The following ULK4 variants were observed in gnomAD, a reference collection of about 807,000 sequenced individuals.
ULK4 encodes the protein inactive serine/threonine-protein kinase ULK4.
ULK4 carries 133 observed loss-of-function variants against 160.6 expected under a neutral mutation model. The observed-to-expected ratio is 0.83, with a 90% CI of 0.72 to 0.96. The LOEUF (loss-of-function observed/expected upper bound fraction) is 0.96. Ranked by LOEUF, ULK4 falls within the 40% of genes least tolerant of loss-of-function variation. The probability of loss-of-function intolerance (pLI) is 0.00; values close to 1 mark genes in which losing one functional copy is unlikely to be tolerated. For synonymous variants in ULK4, 534 were observed against 539.8 expected, an observed-to-expected ratio of 0.99 and a Z score of 0.15; for missense variants, 1,580 against 1,499.5, an observed-to-expected ratio of 1.05 and a Z score of -0.89.
At chr3:41,589,330 T>C (rs2031097461) in intron 31 of ULK4, among the ~76,000 whole-genome samples, 1 of 142,066 alleles carries the variant, frequency 7.0e-6, no homozygotes, top group African/African-American at 2.7e-5. Flanking sequence ...AGAAGAGAGT[T>C]ACACAGAGAA....
chr3:41,357,925 C>T (rs1243445141), intron 35 of ULK4, among the ~76,000 whole-genome samples: 2 of 152,188 alleles, frequency 1.3e-5, no homozygotes, highest in African/African-American at 4.8e-5. Flanking sequence ...TCATCTGGTC[C>T]TCACAATAGC....
At chr3:41,572,429 C>G (rs936299984) in intron 31 of ULK4, among the ~76,000 whole-genome samples, 21 of 152,102 alleles carry the variant, frequency 1.4e-4, no homozygotes, top group Admixed American at 6.5e-5. Context: ...CTCCCCCCAC[C>G]ACTGGGATCT....
intron 17 of ULK4, among the ~76,000 whole-genome samples, chr3:41,869,254 C>T (rs898212456): frequency 6.6e-6 from 1 of 151,822 alleles, no homozygotes; most frequent in Non-Finnish European, 1.5e-5. Flanking sequence ...TGTGTAAGAA[C>T]ATATACAATA....
intron 23 of ULK4, 128 bp from the exon 24 acceptor site, chr3:41,715,696 CT>C: frequency 8.1e-7 from 1 of 1,229,414 alleles, no homozygotes; most frequent in Non-Finnish European, 1.1e-6. Context: ...AGCAGATATA[CT>C]TATTCACAAG....
At chr3:41,562,405 C>T (rs1366068191) in intron 32 of ULK4, among the ~76,000 whole-genome samples, 2 of 152,156 alleles carry the variant, frequency 1.3e-5, no homozygotes, top group Non-Finnish European at 2.9e-5. Context: ...AGTTCAAGTC[C>T]TGGATATCCT....
chr3:41,921,437 C>A (rs1699177062), intron 5 of ULK4, among the ~76,000 whole-genome samples: 1 of 151,862 alleles, frequency 6.6e-6, no homozygotes, highest in Admixed American at 6.6e-5. Flanking sequence ...TGGTAAAACC[C>A]CGTCTCTCAT....
rs1226481226 is a variant in ULK4 at position 41,862,389 on chromosome 3, G to T, written c.1656+21485C>A. Among the ~76,000 whole-genome samples, 6 of 152,062 alleles carry T rather than the reference G, an allele frequency of 3.9e-5. No individual in the cohort carries two copies. The South Asian group carries it at 1.2e-3, about 32-fold the overall frequency. On this transcript the variant is annotated intron_variant, in intron 17 of 36. Transcript: ENST00000301831. ...CACCTATCTCTGTTTCTCCAGGATT[G>T]GTCCCTCGTGCCTTATTTATAAAGT...
At chr3:41,266,629 G>C (rs1174690618) in intron 35 of ULK4, among the ~76,000 whole-genome samples, 7 of 152,156 alleles carry the variant, frequency 4.6e-5, no homozygotes, top group Non-Finnish European at 1.0e-4. Context: ...GGAAGCCTAA[G>C]AAGATTATCC....
intron 23 of ULK4, 81 bp downstream of exon 23, chr3:41,717,647 T>G: frequency 1.3e-6 from 2 of 1,526,030 alleles, no homozygotes; most frequent in East Asian, 2.3e-5. Context: ...CAAGTAAGAA[T>G]AAAAAAGAAC....
intron 35 of ULK4, among the ~76,000 whole-genome samples, chr3:41,342,250 C>T (rs558241194): frequency 6.6e-6 from 1 of 152,234 alleles, no homozygotes; most frequent in East Asian, 1.9e-4. Context: ...CAGCCATGAG[C>T]CACTTCACAG....
chr3:41,526,385 AAC>A (rs1361049544), intron 32 of ULK4, among the ~76,000 whole-genome samples: 1 of 152,170 alleles, frequency 6.6e-6, no homozygotes, highest in East Asian at 1.9e-4. Context: ...CTGTTACTTA[AAC>A]ACTCAAGAGA....
chr3:41,653,466 T>G (rs991395682), intron 30 of ULK4, among the ~76,000 whole-genome samples: 3 of 152,170 alleles, frequency 2.0e-5, no homozygotes, highest in Non-Finnish European at 4.4e-5. Context: ...ATTTTTTCAA[T>G]GGCAATTGTC....
At chr3:41,574,183 AAAACAAACAAAC>A (rs923442212) in intron 31 of ULK4, among the ~76,000 whole-genome samples, 2 of 152,160 alleles carry the variant, frequency 1.3e-5, no homozygotes, top group African/African-American at 4.8e-5. Flanking sequence ...CCGTCTCAAA[AAAACAAACAAAC>A]AAACAAACAA....
At chr3:41,788,746 A>G (rs2040067862) in intron 21 of ULK4, among the ~76,000 whole-genome samples, 1 of 152,116 alleles carries the variant, frequency 6.6e-6, no homozygotes, top group Non-Finnish European at 1.5e-5. Flanking sequence ...GCTGCATACT[A>G]CTTTCCCCTC....
chr3:41,959,383 C>T (rs1220299742), intron 1 of ULK4, among the ~76,000 whole-genome samples: 1 of 150,122 alleles, frequency 6.7e-6, no homozygotes, highest in African/African-American at 2.4e-5. Context: ...AAAAATTAGC[C>T]AGGCATGGTG....
intron 21 of ULK4, among the ~76,000 whole-genome samples, chr3:41,765,523 T>C (rs948133208): frequency 1.3e-5 from 2 of 151,912 alleles, no homozygotes; most frequent in Non-Finnish European, 1.5e-5. Flanking sequence ...AACCTGCAGG[T>C]TGTGCACATG....
intron 22 of ULK4, among the ~76,000 whole-genome samples, chr3:41,723,513 G>C (rs1212048854): frequency 6.6e-6 from 1 of 152,108 alleles, no homozygotes; most frequent in Admixed American, 6.5e-5. Flanking sequence ...AAGTGGACGA[G>C]CACTTGTCTG....
At chr3:41,485,505 T>TA (rs1458556648) in intron 32 of ULK4, among the ~76,000 whole-genome samples, 1 of 152,228 alleles carries the variant, frequency 6.6e-6, no homozygotes, top group Non-Finnish European at 1.5e-5. Context: ...TCTGCTTTGC[T>TA]AAAATCTTAT....
At chr3:41,711,214 C>A (rs1407610532) in intron 25 of ULK4, among the ~76,000 whole-genome samples, 1 of 152,152 alleles carries the variant, frequency 6.6e-6, no homozygotes, top group Non-Finnish European at 1.5e-5. Flanking sequence ...GGAACAAAGG[C>A]CAATGACCCA....
Sources: allele counts gnomAD v4.1 joint callset (sites outside exome capture counted in the v4.1 genomes callset), GRCh38; gene constraint gnomAD v4.1.1; transcripts MANE v1.5; gene names NCBI Gene and HGNC (gene_info 2026-07-23, HGNC 2026-07-21).